ADAM8: variants seen among roughly 807,000 people sequenced by gnomAD.
ADAM8 encodes disintegrin and metalloproteinase domain-containing protein 8.
In ADAM8, 104 loss-of-function variants were observed where a neutral mutation model predicts 102.4. That is an observed-to-expected ratio of 1.02 (90% CI 0.87 to 1.20). ADAM8 has a LOEUF of 1.20. Ranked by LOEUF, ADAM8 falls within the 50% of genes most tolerant of loss-of-function variation. ADAM8 has a pLI of 0.00. For missense variants in ADAM8, 1,132 were observed against 1,159.0 expected, an observed-to-expected ratio of 0.98 and a Z score of 0.34; for synonymous variants, 517 against 485.2, an observed-to-expected ratio of 1.07 and a Z score of -0.86.
At chr10:133,263,644 T>TCAGCCCCGTGGGGAGGCCGTG in intron 22 of ADAM8, 44 bp downstream of exon 22, 1 of 170,880 alleles carries the variant, frequency 5.9e-6, no homozygotes, top group Non-Finnish European at 8.0e-6. Context: ...GGCCGTGCCG[T>TCAGCCCCGTGGGGAGGCCGTG]CCATTGCACA....
In ADAM8 at chr10:133,272,826, A is replaced by T; in HGVS notation, c.677T>A (p.Val226Glu). ...LGSEAAVRHR[V>E]LEVVNHVDKL... Reference sequence around the variant, plus strand: ...GTCCACGTGATTCACCACCTCCAGCACCCGATGACGCACGGCTGCTTCGCT... The same window carrying T: ...GTCCACGTGATTCACCACCTCCAGCTCCCGATGACGCACGGCTGCTTCGCT... Residue 226 changes from valine (V) to glutamate (E), a missense_variant, in exon 8 of 23, where the codon GTG becomes GAG. By Grantham distance (121) the Val-to-Glu change is moderately radical (BLOSUM62 -2). Transcript: ENST00000445355. The T allele has an allele frequency of 6.2e-7, 1 of 1,610,464 alleles. No individual in the cohort carries two copies. The highest frequency in any genetic ancestry group is 8.5e-7 in the Non-Finnish European group (1 of 1,178,718).
chr10:133,276,204 A>G (rs957130703), intron 1 of ADAM8, among the ~76,000 whole-genome samples: 2 of 152,186 alleles, frequency 1.3e-5, no homozygotes, highest in Non-Finnish European at 2.9e-5. Flanking sequence ...GCAGGGGAGC[A>G]GCCAGCCCCT....
chr10:133,274,289 C>T, intron 2 of ADAM8, 54 bp from the exon 3 acceptor site: 2 of 1,472,404 alleles, frequency 1.4e-6, no homozygotes, highest in South Asian at 1.4e-5. Flanking sequence ...CTGTGCCCAC[C>T]TCAATCCTGG....
At chr10:133,269,707 A>G (rs1416009912) in intron 17 of ADAM8, among the ~76,000 whole-genome samples, 178 bp from the exon 18 acceptor site, 2 of 152,160 alleles carry the variant, frequency 1.3e-5, no homozygotes, top group African/African-American at 4.8e-5. Context: ...CCCGGTGACC[A>G]TGCAGGTTCC....
intron 18 of ADAM8, chr10:133,269,201 G>A: frequency 1.0e-6 from 1 of 984,766 alleles, no homozygotes; most frequent in Non-Finnish European, 1.2e-6. Context: ...TGAGGACACT[G>A]GAGTCTCAGC....
At chr10:133,266,879 G>A in intron 21 of ADAM8, among the ~76,000 whole-genome samples, 1 of 152,196 alleles carries the variant, frequency 6.6e-6, no homozygotes, top group East Asian at 1.9e-4. Flanking sequence ...AACCCTGGGG[G>A]GACACGGAGG....
intron 22 of ADAM8, 146 bp downstream of exon 22, chr10:133,263,542 T>C (rs933681903): frequency 1.6e-6 from 1 of 627,980 alleles, no homozygotes; most frequent in Non-Finnish European, 2.5e-6. Context: ...GCCAATGCCT[T>C]TCCCTTTTCT....
rs1317764293 is a variant in ADAM8, at chr10:133,267,918, G to C, written c.2253+11C>G. The C allele has an allele frequency of 7.9e-7, 1 of 1,260,338 alleles. No homozygotes were observed. The highest frequency in any genetic ancestry group is 3.1e-5 in the East Asian group (1 of 32,190). 78.1% of individuals were successfully genotyped at this position (1,260,338 alleles called of 1,614,324 possible). A position where few individuals can be genotyped will look rare whatever the true frequency, so the allele number is the denominator to read the frequency against. ...TTTCGGCCTCATGAACCCGCCAGGG[G>C]TGGTGCTTACAGCAGGGGGCGGCCT... On this transcript the variant is annotated intron_variant, in intron 20 of 22. Transcript: ENST00000445355.
rs140865131 is a variant in ADAM8 at position 133,267,373 on chromosome 10, G to T, written c.2298C>A (p.Tyr766Ter). ...VSSPPFPVPVYTRQAPKQVIK... is the reference protein window; with the variant it reads ...VSSPPFPVPV ...TCACCTGCTTTGGTGCCTGCCGGGT[G>T]TAGACAGGAACTGGGAAGGGTGGGC... is the stretch of plus-strand genomic sequence containing the variant. Residue 766 changes from tyrosine (Y) to a stop codon, truncating the protein, a stop_gained, in exon 21 of 23, where the codon TAC (tyrosine) becomes TAA (stop). Coordinates refer to ENST00000445355, the MANE Select transcript of ADAM8 (RefSeq NM_001109.5). LOFTEE classifies it high-confidence loss of function. 6.2e-7 allele frequency: 1 copy of T among 1,610,110 alleles called. No homozygotes were observed. The highest frequency in any genetic ancestry group is 2.2e-5 in the East Asian group (1 of 44,770).
chr10:133,269,320 C>G (rs1846439146), intron 18 of ADAM8, 125 bp downstream of exon 18: 2 of 1,262,962 alleles, frequency 1.6e-6, no homozygotes, highest in Admixed American at 6.1e-5. Flanking sequence ...TGTGTCGATG[C>G]CTGTGGCAGC....
chr10:133,270,012 A>G (rs534943112), intron 16 of ADAM8, 38 bp from the exon 17 acceptor site: 9 of 1,603,034 alleles, frequency 5.6e-6, no homozygotes, highest in Non-Finnish European at 7.7e-6. Context: ...GCCGCTCTGG[A>G]CCTCTGCCCC....
At chr10:133,265,222 G>A (rs567334834) in intron 21 of ADAM8, among the ~76,000 whole-genome samples, 1 of 127,360 alleles carries the variant, frequency 7.9e-6, no homozygotes, top group East Asian at 2.4e-4. Context: ...CTACCTCCAC[G>A]CCCAGCTCCT....
At chr10:133,267,473 A>G in intron 20 of ADAM8, 56 bp from the exon 21 acceptor site, 1 of 1,497,308 alleles carries the variant, frequency 6.7e-7, no homozygotes, top group South Asian at 1.2e-5. Context: ...GTGCCCCTCC[A>G]GCACCCCCAG....
At position 133,272,399 on chromosome 10, in the gene ADAM8, C is replaced by T. The variant is rs1161259161; in HGVS notation, c.875+17G>A. On this transcript the variant is annotated intron_variant, in intron 9 of 22. Coordinates refer to ENST00000445355, the MANE Select transcript of ADAM8 (RefSeq NM_001109.5). ...CCCTCCCCAGCCCTCCCCACCCTGC[C>T]CGCTCCGCCAGCTCACGTGATGAGC... The T allele has an allele frequency of 5.8e-6, 9 of 1,559,028 alleles. No individual in the cohort carries two copies. Among genetic ancestry groups the T allele is most frequent in the Non-Finnish European group, 7.8e-6 (9 of 1,150,990 alleles).
intron 1 of ADAM8, 142 bp from the exon 2 acceptor site, chr10:133,275,729 CAAGT>C: frequency 1.8e-6 from 1 of 546,384 alleles, no homozygotes; most frequent in Non-Finnish European, 3.1e-6. Flanking sequence ...GACAAAGACT[CAAGT>C]GAGGGTTCTG....
At chr10:133,266,889 G>T (rs1220925604) in intron 21 of ADAM8, among the ~76,000 whole-genome samples, 2 of 152,194 alleles carry the variant, frequency 1.3e-5, no homozygotes, top group African/African-American at 4.8e-5. Flanking sequence ...GGACACGGAG[G>T]CCTGGGAGTT....
chr10:133,263,850 G>A (rs1488671111), intron 21 of ADAM8, 85 bp from the exon 22 acceptor site: 19 of 1,197,494 alleles, frequency 1.6e-5, no homozygotes, highest in South Asian at 5.4e-5. Flanking sequence ...GACCTGGAAC[G>A]AAGCTCCCCA....
chr10:133,274,822 T>C, intron 2 of ADAM8: 1 of 432,670 alleles, frequency 2.3e-6, no homozygotes, highest in Non-Finnish European at 4.7e-6. Context: ...AGCCTCCTGC[T>C]GGACCACTGC....
At chr10:133,274,929 G>A (rs1414360741) in intron 2 of ADAM8, 2 of 424,830 alleles carry the variant, frequency 4.7e-6, no homozygotes, top group South Asian at 3.3e-5. Context: ...GCAGCGGGCA[G>A]GTCGGTAGTA....
Sources: gnomAD v4.1 joint callset for allele counts (sites outside exome capture counted in the v4.1 genomes callset) on GRCh38, gnomAD v4.1.1 for gene constraint, MANE v1.5 for transcripts, NCBI Gene and HGNC (gene_info 2026-07-23, HGNC 2026-07-21) for gene names.